Variants in PPP2R2B observed in about 807,000 individuals in gnomAD.
PPP2R2B encodes serine/threonine-protein phosphatase 2A 55 kDa regulatory subunit B beta isoform.
Under a neutral mutation model 46.0 loss-of-function variants are expected in PPP2R2B, and 5 were observed. The ratio of observed to expected loss-of-function variants is 0.11; its 90% CI spans 0.06 to 0.23. PPP2R2B has a LOEUF of 0.23. Among genes scored for constraint, PPP2R2B ranks in the 10% least tolerant of loss-of-function variants. PPP2R2B has a pLI of 1.00. For synonymous variants in PPP2R2B, 215 were observed against 206.7 expected (o/e 1.04, Z -0.34); for missense variants, 367 against 575.0 (o/e 0.64, Z 3.70).
At chr5:146,788,018 C>T (rs368509769) in intron 2 of PPP2R2B, among the ~76,000 whole-genome samples, 257 of 152,224 alleles carry the variant, frequency 1.7e-3, no homozygotes, top group African/African-American at 5.3e-3. Context: ...TGTCTGCTTT[C>T]GGAGGCAAAG....
rs769047974 is a variant in PPP2R2B, at chr5:146,737,852, A to G, written c.71-36710T>C. 1.0e-3 allele frequency among the ~76,000 whole-genome samples: 152 copies of G among 151,996 alleles called. 1 individual carries two copies. Among genetic ancestry groups the G allele is most frequent in the Non-Finnish European group, 5.7e-4 (39 of 68,022 alleles). The stretch of plus-strand genomic sequence containing the variant: ...CTACTTGGGATGCTGAGGTGGGAGG[A>G]TCACTTGAGCCCAGGAGGTGGACAT... On this transcript the variant is annotated intron_variant, in intron 2 of 9. Transcript: ENST00000394411.
At chr5:146,990,918 T>C (rs757681395) in intron 1 of PPP2R2B, among the ~76,000 whole-genome samples, 10 of 151,898 alleles carry the variant, frequency 6.6e-5, no homozygotes, top group African/African-American at 2.2e-4. Flanking sequence ...AAAACATGAA[T>C]AGACATTTCT....
chr5:147,068,793 A>G (rs1487843512), intron 2 of PPP2R2B, among the ~76,000 whole-genome samples: 1 of 152,194 alleles, frequency 6.6e-6, no homozygotes, highest in Non-Finnish European at 1.5e-5. Context: ...CAATATTTGG[A>G]AATCATTACT....
chr5:146,747,554 TA>T (rs1753268419), intron 2 of PPP2R2B, among the ~76,000 whole-genome samples: 1 of 152,182 alleles, frequency 6.6e-6, no homozygotes, highest in African/African-American at 2.4e-5. Flanking sequence ...ATATTCCCCT[TA>T]ATTACAAAGT....
intron 7 of PPP2R2B, among the ~76,000 whole-genome samples, chr5:146,624,793 C>T (rs959781696): frequency 6.6e-6 from 1 of 152,202 alleles, no homozygotes; most frequent in South Asian, 2.1e-4. Context: ...GGGGACTGCC[C>T]TGTATGTAGC....
At chr5:146,704,877 G>A (rs1779742356) in intron 2 of PPP2R2B, among the ~76,000 whole-genome samples, 1 of 152,184 alleles carries the variant, frequency 6.6e-6, no homozygotes, top group Non-Finnish European at 1.5e-5. Flanking sequence ...CGGAAACAGA[G>A]GAATCTCCTA....
chr5:146,954,770 G>GTA (rs1383800702), intron 1 of PPP2R2B, among the ~76,000 whole-genome samples: 1 of 151,684 alleles, frequency 6.6e-6, no homozygotes, highest in African/African-American at 2.4e-5. Flanking sequence ...GTGTGTGTGT[G>GTA]TGTGTGTGTG....
chr5:146,726,759 A>T (rs1278571211), intron 2 of PPP2R2B, among the ~76,000 whole-genome samples: 1 of 152,144 alleles, frequency 6.6e-6, no homozygotes, highest in Admixed American at 6.6e-5. Flanking sequence ...TTTACAAAGG[A>T]TTTCCCACAG....
chr5:146,966,708 T>C lies in PPP2R2B; in HGVS notation c.79+88957A>G, dbSNP rs144215800. ...TATCCCTCGTACCTAACACTGGGCC[T>C]GGCACAGCGTAGGAGCACAAAAATA... On this transcript the variant is annotated intron_variant, in intron 1 of 8. Coordinates refer to the PPP2R2B transcript ENST00000336640. 3.6e-4 allele frequency among the ~76,000 whole-genome samples: 55 copies of C among 152,318 alleles called. No individual in the cohort carries two copies. In the East Asian group the frequency reaches 0.01, roughly 28 times the overall value.
At chr5:146,660,123 G>A (rs867397488) in intron 5 of PPP2R2B, among the ~76,000 whole-genome samples, 5 of 152,242 alleles carry the variant, frequency 3.3e-5, no homozygotes, top group African/African-American at 7.2e-5. Flanking sequence ...CAATATGGAC[G>A]CTCATCCAAT....
At chr5:147,010,793 G>A (rs1754689874) in intron 1 of PPP2R2B, among the ~76,000 whole-genome samples, 2 of 152,082 alleles carry the variant, frequency 1.3e-5, no homozygotes, top group South Asian at 2.1e-4. Flanking sequence ...ACTCCTCTAT[G>A]TGTCTCACAC....
intron 2 of PPP2R2B, among the ~76,000 whole-genome samples, chr5:146,772,686 A>G (rs1754944930): frequency 1.3e-5 from 2 of 152,116 alleles, no homozygotes; most frequent in Non-Finnish European, 2.9e-5. Flanking sequence ...ACCACCATAG[A>G]AGGATGAACA....
chr5:146,702,368 C>A (rs572925502), intron 2 of PPP2R2B, among the ~76,000 whole-genome samples: 6 of 152,152 alleles, frequency 3.9e-5, no homozygotes, highest in Non-Finnish European at 8.8e-5. Context: ...AAGGCATAAA[C>A]CTTGGTCACT....
intron 3 of PPP2R2B, among the ~76,000 whole-genome samples, chr5:146,698,686 G>A (rs1221358040): frequency 6.6e-6 from 1 of 151,876 alleles, no homozygotes; most frequent in Non-Finnish European, 1.5e-5. Flanking sequence ...GATATTAAAT[G>A]ACTTTCCCTA....
intron 2 of PPP2R2B, among the ~76,000 whole-genome samples, chr5:146,720,846 A>T (rs1406861217): frequency 1.3e-5 from 2 of 152,122 alleles, no homozygotes; most frequent in Non-Finnish European, 2.9e-5. Flanking sequence ...TCTCTTTCCA[A>T]ATTTATCTGA....
intron 8 of PPP2R2B, among the ~76,000 whole-genome samples, chr5:146,599,213 C>T (rs1489736585): frequency 2.6e-5 from 4 of 152,076 alleles, no homozygotes; most frequent in Non-Finnish European, 4.4e-5. Context: ...CCTTTGTTTC[C>T]TTGCATTTAC....
At chr5:147,023,106 A>G (rs1211760468) in intron 1 of PPP2R2B, among the ~76,000 whole-genome samples, 1 of 152,198 alleles carries the variant, frequency 6.6e-6, no homozygotes, top group Non-Finnish European at 1.5e-5. Context: ...TACATATATT[A>G]TATTTAGACA....
At chr5:146,789,853 A>C (rs1428769030) in intron 2 of PPP2R2B, among the ~76,000 whole-genome samples, 1 of 152,198 alleles carries the variant, frequency 6.6e-6, no homozygotes, top group African/African-American at 2.4e-5. Context: ...CCTTTCCAAG[A>C]AGAAAAAAGA....
intron 1 of PPP2R2B, among the ~76,000 whole-genome samples, chr5:146,966,596 T>C (rs932033389): frequency 2.0e-5 from 3 of 152,198 alleles, no homozygotes; most frequent in African/African-American, 7.2e-5. Flanking sequence ...AACATTACTT[T>C]CTTTCTGTTT....
Sources: gnomAD v4.1 joint callset for allele counts (sites outside exome capture counted in the v4.1 genomes callset) on GRCh38, gnomAD v4.1.1 for gene constraint, MANE v1.5 for transcripts, NCBI Gene and HGNC (gene_info 2026-07-23, HGNC 2026-07-21) for gene names.